Variants in ERBB4 observed in about 807,000 individuals in gnomAD.
ERBB4 encodes the protein erb-b2 receptor tyrosine kinase 4.
In ERBB4, 42 loss-of-function variants were observed where a neutral mutation model predicts 158.0. The observed-to-expected ratio is 0.27, with a 90% CI of 0.21 to 0.34. The LOEUF (loss-of-function observed/expected upper bound fraction) is 0.34. ERBB4 is among the 10% of genes least tolerant of loss of function. The probability of loss-of-function intolerance (pLI) is 1.00; values close to 1 mark genes in which losing one functional copy is unlikely to be tolerated. For missense variants in ERBB4, 1,333 were observed against 1,624.1 expected (o/e 0.82, Z 3.08); for synonymous variants, 583 against 558.7 (o/e 1.04, Z -0.61).
At chr2:212,047,148 TA>T (rs1029285986) in intron 2 of ERBB4, among the ~76,000 whole-genome samples, 4 of 151,544 alleles carry the variant, frequency 2.6e-5, no homozygotes, top group Admixed American at 2.0e-4. Context: ...TAAAATGAAG[TA>T]AAAAAAAACT....
chr2:212,147,018 TC>T (rs1330806980), intron 1 of ERBB4, among the ~76,000 whole-genome samples: 3 of 102,306 alleles, frequency 2.9e-5, no homozygotes, highest in Non-Finnish European at 5.5e-5. Flanking sequence ...TGAGACAGGG[TC>T]TCACTCTGTT....
At chr2:211,995,099 T>A (rs955512051) in intron 2 of ERBB4, among the ~76,000 whole-genome samples, 4 of 152,210 alleles carry the variant, frequency 2.6e-5, no homozygotes, top group African/African-American at 9.6e-5. Context: ...TCACGTCTCT[T>A]AGACACATCT....
chr2:212,530,816 A>G lies in ERBB4; in HGVS notation c.82+7633T>C, dbSNP rs554072437. ...AAGGTCAGCAGAGCAGTAAAGATTT[A>G]GCAGGTGAAACCGATTGTTTACAAG... On this transcript the variant is annotated intron_variant, in intron 1 of 27. Transcript: ENST00000342788. 1.0e-3 allele frequency among the ~76,000 whole-genome samples: 157 copies of G among 152,330 alleles called. 2 individuals carry two copies. Among genetic ancestry groups the G allele is most frequent in the African/African-American group, 3.5e-3 (147 of 41,574 alleles).
intron 2 of ERBB4, among the ~76,000 whole-genome samples, chr2:212,020,262 C>T (rs1321317966): frequency 1.3e-5 from 2 of 151,958 alleles, no homozygotes; most frequent in African/African-American, 2.4e-5. Context: ...TACGCTTCAT[C>T]TTTTCTCTCT....
At chr2:211,951,540 C>T (rs567064350) in intron 2 of ERBB4, among the ~76,000 whole-genome samples, 1 of 152,142 alleles carries the variant, frequency 6.6e-6, no homozygotes, top group East Asian at 1.9e-4. Flanking sequence ...TTGCATATTA[C>T]TAAATATATT....
chr2:211,438,070 A>G (rs1186684252), intron 20 of ERBB4, among the ~76,000 whole-genome samples: 10 of 152,200 alleles, frequency 6.6e-5, no homozygotes, highest in Admixed American at 6.5e-4. Flanking sequence ...GGTTCATGGC[A>G]GAATAGAAAG....
At chr2:211,679,327 TC>T in intron 12 of ERBB4, 143 bp from the exon 13 acceptor site, 1 of 835,494 alleles carries the variant, frequency 1.2e-6, no homozygotes, top group Non-Finnish European at 1.9e-6. Flanking sequence ...CATCGTCATG[TC>T]CCATCCTACC....
rs1559691606 is a variant in ERBB4 at position 212,188,235 on chromosome 2, C to CTCTCT, written c.83-63333_83-63332insAGAGA. 9.5e-3 allele frequency among the ~76,000 whole-genome samples: 82 copies of CTCTCT among 8,606 alleles called. 19 individuals are homozygous for CTCTCT. Among genetic ancestry groups the CTCTCT allele is most frequent in the African/African-American group, 0.024 (75 of 3,130 alleles). The allele number at this position is 8,606 out of a possible 152,430, so 5.6% of individuals were successfully genotyped here. A position where few individuals can be genotyped will look rare whatever the true frequency, so the allele number is the denominator to read the frequency against. ...CTCTCTCTCTCTCTCTCTCTCTCTC[C>CTCTCT]CCCCCCCTCTCACCCCCTCCCTCCC... is the stretch of plus-strand genomic sequence containing the variant. On this transcript the variant is annotated intron_variant, in intron 1 of 27. Coordinates refer to ENST00000342788, the MANE Select transcript of ERBB4 (RefSeq NM_005235.3).
At chr2:212,135,991 A>G (rs934688082) in intron 1 of ERBB4, among the ~76,000 whole-genome samples, 1 of 152,210 alleles carries the variant, frequency 6.6e-6, no homozygotes, top group Non-Finnish European at 1.5e-5. Context: ...GGAGCTAAGT[A>G]TGTAAACATT....
chr2:211,446,147 G>A (rs1212947858), intron 20 of ERBB4, among the ~76,000 whole-genome samples: 1 of 152,198 alleles, frequency 6.6e-6, no homozygotes, highest in East Asian at 1.9e-4. Flanking sequence ...AGTGGCCAAA[G>A]GAGGACCATT....
chr2:211,831,012 T>TA (rs989319147), intron 3 of ERBB4, among the ~76,000 whole-genome samples: 59 of 150,798 alleles, frequency 3.9e-4, no homozygotes, highest in East Asian at 2.0e-3. Flanking sequence ...AAAAAAATAA[T>TA]AAAAAAAAAC....
At chr2:211,890,440 G>A (rs1258594604) in intron 3 of ERBB4, among the ~76,000 whole-genome samples, 4 of 151,314 alleles carry the variant, frequency 2.6e-5, no homozygotes, top group Non-Finnish European at 5.9e-5. Flanking sequence ...GGTACCAGCC[G>A]CTGCAAAATC....
At chr2:211,899,963 T>G (rs1168161909) in intron 3 of ERBB4, among the ~76,000 whole-genome samples, 1 of 152,172 alleles carries the variant, frequency 6.6e-6, no homozygotes, top group Admixed American at 6.6e-5. Context: ...CTCAGTATTG[T>G]ACTTTTAAGT....
At position 211,904,760 on chromosome 2, in the gene ERBB4, A is replaced by G. The variant is rs1312200492; in HGVS notation, c.421+42670T>C. On this transcript the variant is annotated intron_variant, in intron 3 of 27. Coordinates refer to ENST00000342788, the MANE Select transcript of ERBB4 (RefSeq NM_005235.3). ...TACAGTTAATCACTATATTTATTTT[A>G]TTGGTGGTCACTGACCAACAGAGAA... Among the ~76,000 whole-genome samples, 3 of 152,242 alleles carry G rather than the reference A, an allele frequency of 2.0e-5. No homozygotes were observed. In the East Asian group the frequency reaches 5.8e-4, roughly 29 times the overall value.
Position 211,377,337 on chromosome 2 carries a change from T to C in ERBB4, c.*6278A>G, listed in dbSNP as rs1559104435. ...AAAAATAGCAGTAAAGGCAAAGTGG[T>C]TTGGACAAGTTAGACTATTGCCTAC... On this transcript the variant is annotated 3_prime_UTR_variant, in exon 28 of 28. Coordinates refer to ENST00000342788, the MANE Select transcript of ERBB4 (RefSeq NM_005235.3). 8.6e-6 allele frequency: 2 copies of C among 233,050 alleles called. No homozygotes were observed. The highest frequency in any genetic ancestry group is 1.2e-3 in the Middle Eastern group (1 of 808). The allele number at this position is 233,050 out of a possible 1,614,324, so 14.4% of individuals were successfully genotyped here. A position where few individuals can be genotyped will look rare whatever the true frequency, so the allele number is the denominator to read the frequency against.
At chr2:212,375,068 A>G (rs1029502244) in intron 1 of ERBB4, among the ~76,000 whole-genome samples, 11 of 152,022 alleles carry the variant, frequency 7.2e-5, no homozygotes, top group African/African-American at 2.7e-4. Context: ...ATAGCCTCAT[A>G]TGAATCAATT....
At chr2:211,880,795 T>C (rs1235204044) in intron 3 of ERBB4, among the ~76,000 whole-genome samples, 2 of 152,154 alleles carry the variant, frequency 1.3e-5, no homozygotes, top group Non-Finnish European at 2.9e-5. Flanking sequence ...AGTTTACAAA[T>C]GAATGTTAAG....
At chr2:211,453,827 A>T (rs2064309250) in intron 20 of ERBB4, among the ~76,000 whole-genome samples, 1 of 152,198 alleles carries the variant, frequency 6.6e-6, no homozygotes, top group Non-Finnish European at 1.5e-5. Context: ...GTTTTAACAT[A>T]CTTATACCTC....
At chr2:212,330,883 C>A (rs962087476) in intron 1 of ERBB4, among the ~76,000 whole-genome samples, 7 of 151,032 alleles carry the variant, frequency 4.6e-5, no homozygotes, top group Non-Finnish European at 1.0e-4. Flanking sequence ...TGCGATTACC[C>A]TAATGGGTAG....
Sources: allele counts gnomAD v4.1 joint callset (sites outside exome capture counted in the v4.1 genomes callset), GRCh38; gene constraint gnomAD v4.1.1; transcripts MANE v1.5; gene names NCBI Gene and HGNC (gene_info 2026-07-23, HGNC 2026-07-21).